The following ASB11 variants were observed in gnomAD, a reference collection of about 807,000 sequenced individuals.
ASB11 encodes ankyrin repeat and SOCS box protein 11.
ASB11 carries 17 observed loss-of-function variants against 20.1 expected under a neutral mutation model. The ratio of observed to expected loss-of-function variants is 0.85; its 90% confidence interval spans 0.58 to 1.27. The LOEUF is 1.27. Among genes scored for constraint, ASB11 ranks in the 50% most tolerant of loss-of-function variants. The pLI, the probability that ASB11 is intolerant of heterozygous loss-of-function variation, is 0.00. For missense variants in ASB11, 259 were observed against 256.9 expected (o/e 1.01, Z -0.06); for synonymous variants, 107 against 105.6 (o/e 1.01, Z -0.08).
chrX:15,314,057 C>CAAAA (rs760402919), intron 1 of ASB11, among the ~76,000 whole-genome samples: 3 of 34,138 alleles, frequency 8.8e-5, no homozygotes, highest in Admixed American at 7.3e-4. Flanking sequence ...GACTCCATCT[C>CAAAA]AAAAAAAAAA....
intron 6 of ASB11, among the ~76,000 whole-genome samples, chrX:15,284,210 C>G (rs777699355): frequency 4.9e-5 from 5 of 102,258 alleles, no homozygotes; most frequent in Non-Finnish European, 9.9e-5. Context: ...CGAGATCGGG[C>G]CACTGCACTC....
intron 1 of ASB11, chrX:15,314,534 G>A (rs371900911): frequency 2.9e-5 from 33 of 1,146,250 alleles, no homozygotes; most frequent in Non-Finnish European, 3.7e-5. Context: ...TAAGACTGCT[G>A]TTGTCTAGTG....
intron 1 of ASB11, among the ~76,000 whole-genome samples, chrX:15,309,967 CAAAAAAAA>C (rs60765469): frequency 6.4e-5 from 1 of 15,527 alleles, no homozygotes; most frequent in Admixed American, 8.2e-4. Context: ...GACTCCGTCT[CAAAAAAAA>C]AAAAAAAAAA....
At chrX:15,283,746 T>G in intron 6 of ASB11, 117 bp from the exon 7 acceptor site, 1 of 865,350 alleles carries the variant, frequency 1.2e-6, no homozygotes, top group Non-Finnish European at 1.6e-6. Context: ...AAGCTGGATC[T>G]GTATAGGAAC....
chrX:15,311,894 T>C (rs1262154969), intron 1 of ASB11, among the ~76,000 whole-genome samples: 1 of 111,450 alleles, frequency 9.0e-6, no homozygotes, highest in East Asian at 2.8e-4. Flanking sequence ...GGGAGGCAGC[T>C]CCAGGCCCCA....
intron 1 of ASB11, among the ~76,000 whole-genome samples, chrX:15,313,854 A>C (rs773554026): frequency 3.6e-5 from 4 of 111,034 alleles, no homozygotes. Context: ...GTTCAAGACC[A>C]GCCTGGCCAA....
Position 15,302,859 on chromosome X carries a change from C to T in ASB11, c.182-52G>A, listed in dbSNP as rs746043626. 4.7e-6 allele frequency: 5 copies of T among 1,057,266 alleles called. No individual in the cohort carries two copies. In the Admixed American group the frequency reaches 6.6e-5, roughly 14 times the overall value. 87.1% of individuals were successfully genotyped at this position (1,057,266 alleles called of 1,213,427 possible). On this transcript the variant is annotated intron_variant, in intron 1 of 6. Transcript: ENST00000480796. The stretch of plus-strand genomic sequence containing the variant: ...AAGGCCTGGAGACTTCTTCCTGTAA[C>T]TTGTCCATGCTGCCCACCCACTGTG...
chrX:15,309,241 C>A (rs1361842252), intron 1 of ASB11, among the ~76,000 whole-genome samples: 2 of 109,821 alleles, frequency 1.8e-5, no homozygotes, highest in Non-Finnish European at 1.9e-5. Context: ...TACAGCCACT[C>A]CCCTTTGCTT....
chrX:15,295,930 G>A (rs909469936), intron 3 of ASB11, among the ~76,000 whole-genome samples: 6 of 111,846 alleles, frequency 5.4e-5, no homozygotes, highest in Admixed American at 9.5e-5. Context: ...ACTTAGAGAA[G>A]CACTACCTAA....
intron 5 of ASB11, 97 bp from the exon 6 acceptor site, chrX:15,288,169 C>T (rs1228082183): frequency 1.1e-6 from 1 of 896,359 alleles, no homozygotes; most frequent in East Asian, 3.4e-5. Flanking sequence ...TTTTAAGTAC[C>T]ATGACATACT....
chrX:15,310,165 A>G (rs762471967), intron 1 of ASB11, among the ~76,000 whole-genome samples: 2 of 109,276 alleles, frequency 1.8e-5, no homozygotes. Flanking sequence ...CTTGTTCCCA[A>G]CAGAGTCTCT....
intron 2 of ASB11, among the ~76,000 whole-genome samples, chrX:15,302,067 T>C (rs758397580): frequency 4.5e-5 from 5 of 111,381 alleles, no homozygotes; most frequent in Non-Finnish European, 9.4e-5. Flanking sequence ...GTGACTTCCT[T>C]CTTAGGTACC....
At chrX:15,314,550 T>C in intron 1 of ASB11, 2 of 1,126,063 alleles carry the variant, frequency 1.8e-6, no homozygotes, top group Admixed American at 2.8e-5. Context: ...TAGTGTCTTC[T>C]GAGTTGTCTA....
At chrX:15,311,397 C>T in intron 1 of ASB11, among the ~76,000 whole-genome samples, 1 of 112,360 alleles carries the variant, frequency 8.9e-6, no homozygotes, top group East Asian at 2.8e-4. Context: ...CCAGCAGGCA[C>T]CTGATATGCA....
chrX:15,284,177 G>A (rs575555103), intron 6 of ASB11, among the ~76,000 whole-genome samples: 301 of 105,657 alleles, frequency 2.8e-3, no homozygotes, highest in African/African-American at 9.5e-3. Flanking sequence ...GCGTGAACCC[G>A]GGAGGCGGAG....
rs139974533 is a variant in ASB11, at chrX:15,284,753, T to C, written c.848-1124A>G. ...ATGAATGAGCTTTTGGCTGCAATACTAGTTGCACAGTCATTATTTCCTAAC... is the reference window on the plus strand; with the variant it reads ...ATGAATGAGCTTTTGGCTGCAATACCAGTTGCACAGTCATTATTTCCTAAC... On this transcript the variant is annotated intron_variant, in intron 6 of 6. Coordinates refer to ENST00000480796, the MANE Select transcript of ASB11 (RefSeq NM_080873.3). Among the ~76,000 whole-genome samples the C allele has an allele frequency of 4.5e-3, 504 of 111,972 alleles. 1 individual carries two copies. The highest frequency in any genetic ancestry group is 0.015 in the African/African-American group (477 of 30,839).
chrX:15,314,972 T>C (rs1921567185), intron 1 of ASB11, among the ~76,000 whole-genome samples: 1 of 111,717 alleles, frequency 9.0e-6, no homozygotes, highest in Non-Finnish European at 1.9e-5. Flanking sequence ...TCAATTCCAG[T>C]TGCAAATGAC....
intron 6 of ASB11, 61 bp downstream of exon 6, chrX:15,287,820 G>A: frequency 1.8e-6 from 2 of 1,107,306 alleles, no homozygotes; most frequent in Non-Finnish European, 2.4e-6. Context: ...TGCTACAGAT[G>A]AGACAGGAAG....
Position 15,283,458 on chromosome X carries a change from G to A in ASB11, c.*47C>T, listed in dbSNP as rs1033887552. 8.3e-7 allele frequency: 1 copy of A among 1,199,815 alleles called. No homozygotes were observed. Among genetic ancestry groups the A allele is most frequent in the Admixed American group, 2.2e-5 (1 of 45,573 alleles). On this transcript the variant is annotated 3_prime_UTR_variant, in exon 7 of 7. Transcript: ENST00000480796. ...TACATTAGGTACTCTAGGTACAGCAGACAACAATCTGTGTCATTCCAAGTA... is the reference window on the plus strand; with the variant it reads ...TACATTAGGTACTCTAGGTACAGCAAACAACAATCTGTGTCATTCCAAGTA...
Sources: allele counts gnomAD v4.1 joint callset (sites outside exome capture counted in the v4.1 genomes callset), GRCh38; gene constraint gnomAD v4.1.1; transcripts MANE v1.5; gene names NCBI Gene and HGNC (gene_info 2026-07-23, HGNC 2026-07-21).